Variants in SPSB1 observed in about 807,000 individuals in gnomAD.
SPSB1 encodes splA/ryanodine receptor domain and SOCS box containing 1.
A neutral mutation model predicts 21.2 loss-of-function variants in SPSB1; 8 were observed. The observed-to-expected ratio is 0.38, with a 90% CI of 0.22 to 0.68. The LOEUF is 0.68. SPSB1 is among the 30% of genes least tolerant of loss of function. The pLI is 0.53. For missense variants in SPSB1, 242 were observed against 377.8 expected (o/e 0.64, Z 2.98); for synonymous variants, 169 against 161.7 (o/e 1.05, Z -0.34).
chr1:9,355,634 C>A, intron 1 of SPSB1, 109 bp from the exon 2 acceptor site: 1 of 1,185,254 alleles, frequency 8.4e-7, no homozygotes, highest in Non-Finnish European at 1.1e-6. Context: ...TGACAGAGCC[C>A]AGGTGCAGGC....
chr1:9,334,605 C>T (rs901171023), intron 1 of SPSB1, among the ~76,000 whole-genome samples: 1 of 152,210 alleles, frequency 6.6e-6, no homozygotes, highest in African/African-American at 2.4e-5. Flanking sequence ...CGTTGTCCAT[C>T]TCCAGAACTT....
chr1:9,340,426 G>T (rs1320670069), intron 1 of SPSB1, among the ~76,000 whole-genome samples: 1 of 152,258 alleles, frequency 6.6e-6, no homozygotes, highest in Admixed American at 6.5e-5. Context: ...GCAAGGCGTT[G>T]TGTTATGAAA....
At chr1:9,337,755 C>T (rs1640027232) in intron 1 of SPSB1, among the ~76,000 whole-genome samples, 1 of 152,224 alleles carries the variant, frequency 6.6e-6, no homozygotes, top group Non-Finnish European at 1.5e-5. Context: ...TAAGGATGAA[C>T]CTCCCTGCTC....
chr1:9,364,637 C>A (rs1179691392), intron 2 of SPSB1, among the ~76,000 whole-genome samples: 1 of 152,194 alleles, frequency 6.6e-6, no homozygotes, highest in East Asian at 1.9e-4. Context: ...CCATTCGTCT[C>A]CAATCAGAGC....
At position 9,321,463 on chromosome 1, in the gene SPSB1, T is replaced by C. The variant is rs1386275880; in HGVS notation, c.-150+28392T>C. The stretch of plus-strand genomic sequence containing the variant: ...CGTTATTCGTCACCTTGGTGCCCGA[T>C]AGAGAAGTGTCTCAGCAGTTCTGTT... On this transcript the variant is annotated intron_variant, in intron 1 of 2. Transcript: ENST00000328089. The surrounding 1 kb of genome is among the most constrained non-coding windows in gnomAD (Gnocchi z 4.8). Among the ~76,000 whole-genome samples the C allele has an allele frequency of 2.6e-5, 4 of 152,168 alleles. No homozygotes were observed. Among genetic ancestry groups the C allele is most frequent in the Non-Finnish European group, 5.9e-5 (4 of 68,034 alleles).
intron 1 of SPSB1, among the ~76,000 whole-genome samples, chr1:9,333,144 C>T (rs1219550172): frequency 2.0e-5 from 3 of 152,196 alleles, no homozygotes; most frequent in African/African-American, 7.2e-5. Context: ...CCACCTTCTT[C>T]GGTGAGAACC....
chr1:9,356,221 C>A lies in SPSB1; in HGVS notation c.330C>A (p.Gly110=), dbSNP rs752023898. 1.3e-6 allele frequency: 2 copies of A among 1,599,894 alleles called. No individual in the cohort carries two copies. Among genetic ancestry groups the A allele is most frequent in the South Asian group, 2.3e-5 (2 of 88,516 alleles). ...WQITWAMRQR[G]THAVVGVATA... ...TCACGTGGGCCATGAGACAGCGGGG[C>A]ACACACGCCGTGGTGGGGGTGGCGA... The change falls in exon 2 of 3, where the codon GGC becomes GGA. Residue 110 remains glycine, a synonymous_variant. Coordinates refer to ENST00000328089, the MANE Select transcript of SPSB1 (RefSeq NM_025106.4). This position sits in a 1 kb window ranked among gnomAD's most constrained non-coding sequence, Gnocchi z 7.4.
intron 1 of SPSB1, among the ~76,000 whole-genome samples, chr1:9,307,147 C>T (rs543333580): frequency 2.4e-4 from 36 of 152,146 alleles, no homozygotes; most frequent in Middle Eastern, 3.4e-3. Context: ...AGGCCGGTCT[C>T]GAACTCCTGA....
intron 1 of SPSB1, among the ~76,000 whole-genome samples, chr1:9,347,562 G>C (rs966545169): frequency 6.6e-6 from 1 of 152,178 alleles, no homozygotes; most frequent in African/African-American, 2.4e-5. Flanking sequence ...TTTAAATTCT[G>C]TTCTTTCAGA....
chr1:9,354,795 C>T (rs994403412), intron 1 of SPSB1, among the ~76,000 whole-genome samples: 4 of 140,884 alleles, frequency 2.8e-5, no homozygotes, highest in African/African-American at 7.9e-5. Flanking sequence ...AGCAAGACTG[C>T]GTCTCAAAAA....
At chr1:9,343,421 G>T (rs1640120598) in intron 1 of SPSB1, among the ~76,000 whole-genome samples, 2 of 152,168 alleles carry the variant, frequency 1.3e-5, no homozygotes, top group African/African-American at 4.8e-5. Context: ...CATTCACATT[G>T]TATCATGCAC....
At chr1:9,331,331 T>TTG (rs1639915549) in intron 1 of SPSB1, among the ~76,000 whole-genome samples, 2 of 141,168 alleles carry the variant, frequency 1.4e-5, no homozygotes, top group Admixed American at 7.2e-5. Flanking sequence ...GTTTTTTTTT[T>TTG]TTTTTTTTTT....
At chr1:9,358,741 C>G (rs1054084128) in intron 2 of SPSB1, among the ~76,000 whole-genome samples, 13 of 152,182 alleles carry the variant, frequency 8.5e-5, no homozygotes, top group South Asian at 2.1e-4. Flanking sequence ...AGATTTCCAG[C>G]CCTGTGCCCT....
At chr1:9,315,465 C>T (rs1341969524) in intron 1 of SPSB1, among the ~76,000 whole-genome samples, 6 of 152,232 alleles carry the variant, frequency 3.9e-5, no homozygotes, top group Non-Finnish European at 7.3e-5. Flanking sequence ...TTCTGCTCTC[C>T]CCGTTTTACA....
rs1195481290 is a variant in SPSB1 at position 9,346,010 on chromosome 1, C to A, written c.-149-9733C>A. ...CGGAGCATGCCCCGAGCCCTTCCAC[C>A]ACCAAGAGTGTCCCTGCCACTCATG... is the stretch of plus-strand genomic sequence containing the variant. On this transcript the variant is annotated intron_variant, in intron 1 of 2. Transcript: ENST00000328089. The surrounding 1 kb of genome is among the most constrained non-coding windows in gnomAD (Gnocchi z 4.4). Among the ~76,000 whole-genome samples, 2 of 152,200 alleles carry A rather than the reference C, an allele frequency of 1.3e-5. No individual in the cohort carries two copies. Among genetic ancestry groups the A allele is most frequent in the African/African-American group, 2.4e-5 (1 of 41,462 alleles).
intron 1 of SPSB1, among the ~76,000 whole-genome samples, chr1:9,338,502 A>T (rs1040640979): frequency 6.6e-6 from 1 of 152,228 alleles, no homozygotes; most frequent in Non-Finnish European, 1.5e-5. Flanking sequence ...GCACAGCCAG[A>T]TGCTGCCCTG....
intron 2 of SPSB1, among the ~76,000 whole-genome samples, chr1:9,361,022 C>A (rs536596118): frequency 2.6e-5 from 4 of 152,256 alleles, no homozygotes; most frequent in Non-Finnish European, 5.9e-5. Flanking sequence ...TCCCCCGTCC[C>A]GGGAGAGTTG....
chr1:9,366,335 TCAGA>T (rs1640571187), intron 2 of SPSB1, among the ~76,000 whole-genome samples: 1 of 152,224 alleles, frequency 6.6e-6, no homozygotes, highest in African/African-American at 2.4e-5. Flanking sequence ...AGCCTCACTG[TCAGA>T]CAGAAGCACA....
intron 1 of SPSB1, among the ~76,000 whole-genome samples, chr1:9,298,925 G>A (rs566320361): frequency 1.3e-5 from 2 of 152,178 alleles, no homozygotes; most frequent in Non-Finnish European, 2.9e-5. Flanking sequence ...CTCTGCCTGG[G>A]AAAATAGTAC....
Sources: allele counts gnomAD v4.1 joint callset (sites outside exome capture counted in the v4.1 genomes callset), GRCh38; gene constraint gnomAD v4.1.1; non-coding constraint Gnocchi (gnomAD v3.1); transcripts MANE v1.5; gene names NCBI Gene and HGNC (gene_info 2026-07-23, HGNC 2026-07-21).